EPB41L3: variants seen among roughly 807,000 people sequenced by gnomAD.
EPB41L3 encodes the protein erythrocyte membrane protein band 4.1 like 3, also known as band 4.1-like protein 3.
A neutral mutation model predicts 127.1 loss-of-function variants in EPB41L3; 57 were observed. The ratio of observed to expected loss-of-function variants is 0.45; its 90% confidence interval spans 0.36 to 0.56. The LOEUF (loss-of-function observed/expected upper bound fraction) is 0.56, where lower values mean the gene tolerates loss of function less well. Ranked by LOEUF, EPB41L3 falls within the 20% of genes least tolerant of loss-of-function variation. The pLI, the probability that EPB41L3 is intolerant of heterozygous loss-of-function variation, is 0.00. For synonymous variants in EPB41L3, 572 were observed against 549.5 expected (o/e 1.04, Z -0.57); for missense variants, 1,273 against 1,372.2 (o/e 0.93, Z 1.14).
chr18:5,563,650 G>C (rs1157933590), intron 3 of EPB41L3, among the ~76,000 whole-genome samples: 1 of 152,146 alleles, frequency 6.6e-6, no homozygotes, highest in Non-Finnish European at 1.5e-5. Flanking sequence ...GAAAGGAGGA[G>C]TCTGCCCTGA....
intron 11 of EPB41L3, among the ~76,000 whole-genome samples, chr18:5,421,970 T>C (rs2077527191): frequency 6.6e-6 from 1 of 152,118 alleles, no homozygotes; most frequent in Non-Finnish European, 1.5e-5. Context: ...TCTCAAAAGC[T>C]ACTGAAATTT....
At chr18:5,566,758 T>TTCCATTCCATTCC (rs2094207984) in intron 3 of EPB41L3, among the ~76,000 whole-genome samples, 1 of 139,664 alleles carries the variant, frequency 7.2e-6, no homozygotes, top group East Asian at 2.3e-4. Flanking sequence ...TATTCTATTC[T>TTCCATTCCATTCC]ATTCTATTCT....
At chr18:5,430,629 C>G (rs2078874847) in intron 8 of EPB41L3, among the ~76,000 whole-genome samples, 2 of 149,866 alleles carry the variant, frequency 1.3e-5, no homozygotes, top group Admixed American at 6.6e-5. Context: ...GTGGTGCCAT[C>G]TTGGCTCACT....
At chr18:5,620,125 T>C (rs559606947) in intron 1 of EPB41L3, among the ~76,000 whole-genome samples, 3 of 148,034 alleles carry the variant, frequency 2.0e-5, no homozygotes, top group East Asian at 3.9e-4. Context: ...TGCTATGTTA[T>C]CAAGTTTAAA....
In EPB41L3 at chr18:5,431,320, G is replaced by A. The variant is rs983954541; in HGVS notation, c.912+2149C>T. 8.5e-5 allele frequency: 13 copies of A among 152,292 alleles called. No individual in the cohort carries two copies. The East Asian group carries it at 2.3e-3, about 27-fold the overall frequency. 9.4% of individuals were successfully genotyped at this position (152,292 alleles called of 1,614,324 possible). On this transcript the variant is annotated intron_variant, in intron 8 of 22. Transcript: ENST00000341928. Reference sequence around the variant, plus strand: ...ACCGTCAACAGAAGCGAGGCATCTCGCTCATAACCGGAGATTAGTTCCAAT... The same window carrying A: ...ACCGTCAACAGAAGCGAGGCATCTCACTCATAACCGGAGATTAGTTCCAAT...
At chr18:5,530,347 T>C (rs886804913) in intron 1 of EPB41L3, among the ~76,000 whole-genome samples, 6 of 152,110 alleles carry the variant, frequency 3.9e-5, no homozygotes, top group Admixed American at 3.9e-4. Flanking sequence ...ATGTATTCCT[T>C]CAAAAAACAC....
At chr18:5,496,012 C>G (rs1242193538) in intron 1 of EPB41L3, among the ~76,000 whole-genome samples, 1 of 152,188 alleles carries the variant, frequency 6.6e-6, no homozygotes, top group Non-Finnish European at 1.5e-5. Flanking sequence ...CTGTGTGGGT[C>G]AGGCTGAAGG....
At chr18:5,459,552 T>C (rs532690537) in intron 3 of EPB41L3, among the ~76,000 whole-genome samples, 1 of 152,164 alleles carries the variant, frequency 6.6e-6, no homozygotes, top group Admixed American at 6.5e-5. Flanking sequence ...AAAGAGAAAA[T>C]AAATGTATTT....
At chr18:5,517,241 G>T (rs1489065697) in intron 1 of EPB41L3, among the ~76,000 whole-genome samples, 1 of 151,964 alleles carries the variant, frequency 6.6e-6, no homozygotes, top group African/African-American at 2.4e-5. Flanking sequence ...GGATCAGAAG[G>T]GTCCCATTAA....
intron 7 of EPB41L3, 127 bp from the exon 8 acceptor site, chr18:5,433,683 G>C (rs2145801382): frequency 1.1e-6 from 1 of 910,642 alleles, no homozygotes; most frequent in East Asian, 2.6e-5. Context: ...CATGAGAAAA[G>C]AATAACAAGA....
intron 3 of EPB41L3, among the ~76,000 whole-genome samples, chr18:5,566,389 G>C (rs955469545): frequency 6.6e-6 from 1 of 152,080 alleles, no homozygotes; most frequent in African/African-American, 2.4e-5. Context: ...AAATACCTAG[G>C]AATCCAACTT....
At chr18:5,492,009 T>G (rs1313473620) in intron 1 of EPB41L3, among the ~76,000 whole-genome samples, 2 of 152,262 alleles carry the variant, frequency 1.3e-5, no homozygotes, top group South Asian at 4.1e-4. Flanking sequence ...AATGGCAAAC[T>G]AATATCAACA....
At chr18:5,409,582 C>T (rs369540165) in intron 14 of EPB41L3, among the ~76,000 whole-genome samples, 3 of 151,930 alleles carry the variant, frequency 2.0e-5, no homozygotes, top group East Asian at 3.9e-4. Flanking sequence ...AGGAAGAAAC[C>T]TAATAAAACG....
intron 3 of EPB41L3, among the ~76,000 whole-genome samples, chr18:5,473,721 A>G (rs2086600701): frequency 6.6e-6 from 1 of 152,160 alleles, no homozygotes; most frequent in African/African-American, 2.4e-5. Context: ...ATGTAGTTTG[A>G]GAAATAAGCA....
At position 5,478,440 on chromosome 18, in the gene EPB41L3, T is replaced by C; in HGVS notation, c.184-2A>G. ...AAACTCCTGTTCCTTGTCAGTGACC[T>C]GTGAAGAGCAAACAATCAACAGTTT... is the stretch of plus-strand genomic sequence containing the variant. On this transcript the variant is annotated splice_acceptor_variant, in intron 2 of 22. Transcript: ENST00000341928. LOFTEE classifies it high-confidence loss of function. 1 of 1,613,872 alleles carries C rather than the reference T, an allele frequency of 6.2e-7. No homozygotes were observed. The highest frequency in any genetic ancestry group is 8.5e-7 in the Non-Finnish European group (1 of 1,179,800).
intron 3 of EPB41L3, among the ~76,000 whole-genome samples, chr18:5,606,632 G>A (rs2094656214): frequency 6.6e-6 from 1 of 152,080 alleles, no homozygotes; most frequent in Admixed American, 6.6e-5. Flanking sequence ...AATGTTCATA[G>A]CATCATTAAT....
chr18:5,549,059 TAGTA>T (rs1443991083), upstream of EPB41L3, among the ~76,000 whole-genome samples: 1 of 152,220 alleles, frequency 6.6e-6, no homozygotes, highest in Non-Finnish European at 1.5e-5. Flanking sequence ...AAATAATAGA[TAGTA>T]AGACACATTC....
intron 3 of EPB41L3, among the ~76,000 whole-genome samples, chr18:5,477,373 G>T (rs76796022): frequency 5.3e-5 from 8 of 152,172 alleles, no homozygotes; most frequent in African/African-American, 1.9e-4. Flanking sequence ...TGGAATGAAG[G>T]GGGAGAGGGG....
intron 12 of EPB41L3, among the ~76,000 whole-genome samples, chr18:5,417,697 A>G (rs2076993885): frequency 6.6e-6 from 1 of 152,250 alleles, no homozygotes; most frequent in African/African-American, 2.4e-5. Flanking sequence ...CATGAGGGAA[A>G]GAAAATGCAC....
Sources: allele counts gnomAD v4.1 joint callset (sites outside exome capture counted in the v4.1 genomes callset), GRCh38; gene constraint gnomAD v4.1.1; transcripts MANE v1.5; gene names NCBI Gene and HGNC (gene_info 2026-07-23, HGNC 2026-07-21).